Variants in CCDC138 observed in about 807,000 individuals in gnomAD.
The protein encoded by CCDC138 is coiled-coil domain containing 138, also known as coiled-coil domain-containing protein 138.
Under a neutral mutation model 82.3 loss-of-function variants are expected in CCDC138, and 66 were observed. That is an observed-to-expected ratio of 0.80 (90% confidence interval 0.66 to 0.98). The LOEUF is 0.98. Ranked by LOEUF, CCDC138 falls within the 50% of genes least tolerant of loss-of-function variation. The pLI is 0.00. For missense variants in CCDC138, 816 were observed against 758.9 expected (o/e 1.08, Z -0.88); for synonymous variants, 297 against 265.4 (o/e 1.12, Z -1.16).
At chr2:108,825,531 A>T (rs1254535792) in intron 10 of CCDC138, among the ~76,000 whole-genome samples, 1 of 152,060 alleles carries the variant, frequency 6.6e-6, no homozygotes, top group Non-Finnish European at 1.5e-5. Context: ...AGATTTTCCT[A>T]TCTGGACTTT....
At chr2:108,869,523 T>A (rs902123539) in intron 13 of CCDC138, among the ~76,000 whole-genome samples, 11 of 152,026 alleles carry the variant, frequency 7.2e-5, no homozygotes, top group Admixed American at 5.2e-4. Flanking sequence ...AAGGCAGTGG[T>A]GGGCACCATA....
At chr2:108,824,918 G>GT (rs1471167335) in intron 10 of CCDC138, among the ~76,000 whole-genome samples, 4 of 152,146 alleles carry the variant, frequency 2.6e-5, no homozygotes, top group African/African-American at 9.7e-5. Flanking sequence ...TGACCGAAAT[G>GT]TTATGCAGTG....
At chr2:108,820,287 A>G (rs529624268) in intron 10 of CCDC138, among the ~76,000 whole-genome samples, 6 of 152,274 alleles carry the variant, frequency 3.9e-5, no homozygotes, top group African/African-American at 1.2e-4. Flanking sequence ...AGAGGAGCAA[A>G]GAGAAAAAAA....
chr2:108,796,113 A>G (rs912511916), intron 5 of CCDC138, among the ~76,000 whole-genome samples: 6 of 152,122 alleles, frequency 3.9e-5, no homozygotes, highest in South Asian at 2.1e-4. Flanking sequence ...CAGTGGCGCA[A>G]TCTCGGCTCA....
intron 11 of CCDC138, 128 bp downstream of exon 11, chr2:108,839,429 G>A (rs1181483283): frequency 1.2e-5 from 9 of 762,382 alleles, no homozygotes; most frequent in Non-Finnish European, 1.8e-5. Flanking sequence ...TCTATGTCTT[G>A]CTGGGATTTT....
At chr2:108,824,604 T>A (rs553152118) in intron 10 of CCDC138, among the ~76,000 whole-genome samples, 200 of 152,240 alleles carry the variant, frequency 1.3e-3, no homozygotes, top group Admixed American at 4.0e-3. Context: ...AACTTTTTTT[T>A]AAAAAAATAA....
chr2:108,824,255 T>C (rs1686200172), intron 10 of CCDC138, among the ~76,000 whole-genome samples: 1 of 152,194 alleles, frequency 6.6e-6, no homozygotes, highest in African/African-American at 2.4e-5. Flanking sequence ...TTTTTGACTC[T>C]GTAATATTAA....
rs1491527939 is a variant in CCDC138 at position 108,800,638 on chromosome 2, T to TTTTTTTTTTTTTA, written c.735+2052_735+2053insTTTTTTTTTTTTA. Among the ~76,000 whole-genome samples, 14 of 73,772 alleles carry TTTTTTTTTTTTTA rather than the reference T, an allele frequency of 1.9e-4. 1 individual carries two copies. The highest frequency in any genetic ancestry group is 1.9e-4 in the Non-Finnish European group (8 of 42,696). 48.4% of individuals were successfully genotyped at this position (73,772 alleles called of 152,430 possible). ...TTTTTTTTTTTTTTTTTTTTTTTTT[T>TTTTTTTTTTTTTA]AATTATACTTTAAGTTTTAGGGTAC... is the stretch of plus-strand genomic sequence containing the variant. On this transcript the variant is annotated intron_variant, in intron 6 of 14. Transcript: ENST00000295124.
chr2:108,809,778 A>G (rs1206053432), intron 7 of CCDC138, among the ~76,000 whole-genome samples: 1 of 147,642 alleles, frequency 6.8e-6, no homozygotes, highest in African/African-American at 2.5e-5. Flanking sequence ...AAGAAGGACA[A>G]TTTGACTCAT....
At chr2:108,805,033 G>T in intron 7 of CCDC138, 25 bp downstream of exon 7, 1 of 1,265,198 alleles carries the variant, frequency 7.9e-7, no homozygotes, top group South Asian at 1.9e-5. Flanking sequence ...AATATATACT[G>T]AACATAAGAC....
At chr2:108,805,523 A>G (rs368538119) in intron 7 of CCDC138, among the ~76,000 whole-genome samples, 52 of 151,896 alleles carry the variant, frequency 3.4e-4, no homozygotes, top group Middle Eastern at 3.4e-3. Flanking sequence ...CAGGAGTTCG[A>G]GACCATCCTG....
At chr2:108,881,002 C>A (rs1425743878), downstream of CCDC138, among the ~76,000 whole-genome samples, 1 of 152,156 alleles carries the variant, frequency 6.6e-6, no homozygotes, top group African/African-American at 2.4e-5. Context: ...TTCCAATACT[C>A]ACGAATGACT....
At chr2:108,802,101 T>C (rs2149617827) in intron 6 of CCDC138, among the ~76,000 whole-genome samples, 1 of 145,508 alleles carries the variant, frequency 6.9e-6, no homozygotes, top group African/African-American at 2.6e-5. Flanking sequence ...AGGATTGACT[T>C]GGCGATGCGG....
chr2:108,837,296 G>A (rs77743706), intron 10 of CCDC138, among the ~76,000 whole-genome samples: 13,464 of 152,222 alleles, frequency 0.088, 793 homozygotes, highest in African/African-American at 0.16. Context: ...AAATAATCGT[G>A]TGGGTTTTGT....
chr2:108,880,289 A>G (rs1199549848), downstream of CCDC138, among the ~76,000 whole-genome samples: 2 of 152,114 alleles, frequency 1.3e-5, no homozygotes, highest in Non-Finnish European at 2.9e-5. Flanking sequence ...ACAGTACTGT[A>G]GATTCCATGT....
At chr2:108,811,904 A>G (rs1683924987) in intron 7 of CCDC138, among the ~76,000 whole-genome samples, 1 of 152,152 alleles carries the variant, frequency 6.6e-6, no homozygotes, top group African/African-American at 2.4e-5. Flanking sequence ...TTCACTTAGG[A>G]TTAATGACCT....
At chr2:108,866,009 G>A (rs1694356267) in intron 13 of CCDC138, among the ~76,000 whole-genome samples, 1 of 152,122 alleles carries the variant, frequency 6.6e-6, no homozygotes, top group Non-Finnish European at 1.5e-5. Context: ...GGGGGATTTT[G>A]TTCCTGTCTT....
chr2:108,827,483 A>T (rs7564164), intron 10 of CCDC138, among the ~76,000 whole-genome samples: 1 of 152,052 alleles, frequency 6.6e-6, no homozygotes, highest in South Asian at 2.1e-4. Context: ...ATTTATTATG[A>T]CATCAGTTCT....
chr2:108,811,309 C>T (rs1306292429), intron 7 of CCDC138, among the ~76,000 whole-genome samples: 3 of 133,234 alleles, frequency 2.3e-5, no homozygotes, highest in East Asian at 2.6e-4. Flanking sequence ...GGCATGACCA[C>T]GGCTTACTAC....
Sources: allele counts gnomAD v4.1 joint callset (sites outside exome capture counted in the v4.1 genomes callset), GRCh38; gene constraint gnomAD v4.1.1; transcripts MANE v1.5; gene names NCBI Gene and HGNC (gene_info 2026-07-23, HGNC 2026-07-21).